DDX31: variants seen among roughly 807,000 people sequenced by gnomAD.
DDX31 encodes the protein DEAD-box helicase 31, also known as ATP-dependent DNA helicase DDX31.
A neutral mutation model predicts 91.3 loss-of-function variants in DDX31; 70 were observed. That is an observed-to-expected ratio of 0.77 (90% confidence interval 0.63 to 0.94). The LOEUF (loss-of-function observed/expected upper bound fraction) is 0.94, where lower values mean the gene tolerates loss of function less well. Among genes scored for constraint, DDX31 ranks in the 40% least tolerant of loss-of-function variants. The pLI, the probability that DDX31 is intolerant of heterozygous loss-of-function variation, is 0.00. For synonymous variants in DDX31, 362 were observed against 350.6 expected, an observed-to-expected ratio of 1.03 and a Z score of -0.36; for missense variants, 902 against 925.0, an observed-to-expected ratio of 0.98 and a Z score of 0.32.
chr9:132,657,590 A>G (rs1443728732), intron 6 of DDX31, among the ~76,000 whole-genome samples: 1 of 152,184 alleles, frequency 6.6e-6, no homozygotes, highest in African/African-American at 2.4e-5. Flanking sequence ...CAACACTATT[A>G]TTGTCACTCA....
intron 1 of DDX31, chr9:132,669,627 C>A: frequency 6.5e-7 from 1 of 1,529,092 alleles, no homozygotes; most frequent in Non-Finnish European, 8.7e-7. Flanking sequence ...CAGGAGCCAG[C>A]TCCCCGCCCC....
Position 132,650,885 on chromosome 9 carries a change from T to G in DDX31, c.675+190A>C, listed in dbSNP as rs1834140183. 2.0e-5 allele frequency among the ~76,000 whole-genome samples: 3 copies of G among 152,238 alleles called. No homozygotes were observed. The South Asian group carries it at 6.2e-4, about 31-fold the overall frequency. ...GACTTTATGCACCAGGAGTCACTGA[T>G]AATTCAGCTAAGCTAGAAATTGGTA... On this transcript the variant is annotated intron_variant, in intron 8 of 19. Coordinates refer to ENST00000372159, the MANE Select transcript of DDX31 (RefSeq NM_022779.9).
At position 132,606,038 on chromosome 9, in the gene DDX31, A is replaced by G. The variant is rs1830996891; in HGVS notation, c.1994+6049T>C. Among the ~76,000 whole-genome samples the G allele has an allele frequency of 2.6e-5, 4 of 152,172 alleles. No individual in the cohort carries two copies. In the South Asian group the frequency reaches 8.3e-4, roughly 32 times the overall value. On this transcript the variant is annotated intron_variant, in intron 19 of 19. Coordinates refer to ENST00000372159, the MANE Select transcript of DDX31 (RefSeq NM_022779.9). ...TTTGGGAAGCGGAGGGAAGAGACAG[A>G]TTTAAGGAGGCCGGAGGGATCAACA...
chr9:132,593,829 C>T lies in DDX31; in HGVS notation c.*1037G>A, dbSNP rs2119149753. The T allele has an allele frequency of 6.6e-6, 1 of 152,668 alleles. No homozygotes were observed. Among genetic ancestry groups the T allele is most frequent in the East Asian group, 1.9e-4 (1 of 5,190 alleles). 9.5% of individuals were successfully genotyped at this position (152,668 alleles called of 1,614,324 possible). A position where few individuals can be genotyped will look rare whatever the true frequency, so the allele number is the denominator to read the frequency against. ...GAGACCACAGAGGGCGGCACAGTCA[C>T]TGCAGAGGAGAAGGAAACTGAGAAG... On this transcript the variant is annotated 3_prime_UTR_variant, in exon 20 of 20. Coordinates refer to ENST00000372159, the MANE Select transcript of DDX31 (RefSeq NM_022779.9).
intron 5 of DDX31, among the ~76,000 whole-genome samples, chr9:132,659,278 A>C (rs1478116815): frequency 6.6e-6 from 1 of 152,214 alleles, no homozygotes; most frequent in Non-Finnish European, 1.5e-5. Flanking sequence ...ATGAGGGTCA[A>C]AAAAGCAAGT....
At chr9:132,659,588 C>A in intron 5 of DDX31, 122 bp downstream of exon 5, 2 of 847,178 alleles carry the variant, frequency 2.4e-6, no homozygotes, top group Non-Finnish European at 3.7e-6. Context: ...AAAAGCATGG[C>A]CTCCCTCCCC....
At chr9:132,637,838 T>C in intron 14 of DDX31, 1 of 986,124 alleles carries the variant, frequency 1.0e-6, no homozygotes, top group Non-Finnish European at 1.2e-6. Flanking sequence ...AGATACACTT[T>C]ACCTAAAAAG....
In DDX31 at chr9:132,650,238, C is replaced by T. The variant is rs370693874; in HGVS notation, c.736G>A (p.Ala246Thr). 47 of 1,613,924 alleles carry T rather than the reference C, an allele frequency of 2.9e-5. No individual in the cohort carries two copies. The African/African-American group carries it at 6.0e-4, about 21-fold the overall frequency. The change falls in exon 9 of 20, where the codon GCC becomes ACC. Residue 246 changes from alanine (A) to threonine (T), a missense_variant. Physicochemically the swap from Ala to Thr is moderately conservative, Grantham distance 58. Coordinates refer to ENST00000372159, the MANE Select transcript of DDX31 (RefSeq NM_022779.9). ...AACCAACAAACCTCTTCCTACCTGG[C>T]CTTTTCTGATTTTCTCTTCTCTCCT... The part of the protein sequence containing the change: ...MGGEKRKSEK[A>T]RLRKGINILI...
intron 18 of DDX31, 24 bp downstream of exon 18, chr9:132,618,306 C>A (rs773369566): frequency 1.3e-6 from 2 of 1,597,972 alleles, no homozygotes; most frequent in South Asian, 2.3e-5. Flanking sequence ...ATCCACTGCG[C>A]AAGCACCTAG....
intron 14 of DDX31, chr9:132,638,339 C>T (rs1424715583): frequency 1.9e-6 from 3 of 1,614,080 alleles, no homozygotes; most frequent in Non-Finnish European, 8.5e-7. Flanking sequence ...AGGTTCCTTT[C>T]CTCTGGCTTA....
chr9:132,639,279 C>T (rs1414258764), intron 14 of DDX31, among the ~76,000 whole-genome samples: 1 of 152,074 alleles, frequency 6.6e-6, no homozygotes, highest in Admixed American at 6.5e-5. Context: ...CGACTGGGAA[C>T]CGGCCCTCCT....
Position 132,632,107 on chromosome 9 carries a change from G to T in DDX31, c.1441-16C>A, listed in dbSNP as rs781476125. The T allele has an allele frequency of 1.2e-6, 2 of 1,611,248 alleles. No individual in the cohort carries two copies. Among genetic ancestry groups the T allele is most frequent in the South Asian group, 1.1e-5 (1 of 90,616 alleles). On this transcript the variant is annotated splice_polypyrimidine_tract_variant and intron_variant, in intron 14 of 19. Coordinates refer to ENST00000372159, the MANE Select transcript of DDX31 (RefSeq NM_022779.9). Reference sequence around the variant, plus strand: ...CTGCAACATCCTTTAACAAAGAAAAGAATATGGTTTAACACTGAGTTTCTG... The same window carrying T: ...CTGCAACATCCTTTAACAAAGAAAATAATATGGTTTAACACTGAGTTTCTG...
At chr9:132,661,445 C>A (rs1406971822) in intron 3 of DDX31, among the ~76,000 whole-genome samples, 194 bp from the exon 4 acceptor site, 1 of 152,168 alleles carries the variant, frequency 6.6e-6, no homozygotes, top group Non-Finnish European at 1.5e-5. Flanking sequence ...AGGGCAAAGT[C>A]TGGAAAAATT....
intron 14 of DDX31, among the ~76,000 whole-genome samples, chr9:132,636,842 T>G (rs1332594428): frequency 6.6e-6 from 1 of 152,196 alleles, no homozygotes; most frequent in East Asian, 1.9e-4. Flanking sequence ...AGAACTGGAC[T>G]GCTTGCTCCA....
At chr9:132,641,707 T>G (rs76220885) in intron 14 of DDX31, among the ~76,000 whole-genome samples, 1 of 152,252 alleles carries the variant, frequency 6.6e-6, no homozygotes, top group African/African-American at 2.4e-5. Context: ...TTACTCCCGA[T>G]AGCTGTAATT....
chr9:132,660,872 A>G (rs1461438310), intron 4 of DDX31, among the ~76,000 whole-genome samples: 1 of 152,146 alleles, frequency 6.6e-6, no homozygotes, highest in African/African-American at 2.4e-5. Flanking sequence ...GTTGACCCTA[A>G]TTCTTACTAC....
intron 15 of DDX31, among the ~76,000 whole-genome samples, chr9:132,631,316 A>G (rs535157431): frequency 1.3e-5 from 2 of 152,318 alleles, no homozygotes; most frequent in African/African-American, 4.8e-5. Flanking sequence ...CCTCCCATAC[A>G]TTAAAATTGT....
At chr9:132,618,636 T>G (rs867393769) in intron 17 of DDX31, among the ~76,000 whole-genome samples, 195 bp from the exon 18 acceptor site, 2 of 152,182 alleles carry the variant, frequency 1.3e-5, no homozygotes, top group Admixed American at 1.3e-4. Context: ...GGTGGCTTTA[T>G]GAGAGAGAAC....
At chr9:132,632,276 A>ACACACACACACACC in intron 14 of DDX31, among the ~76,000 whole-genome samples, 185 bp from the exon 15 acceptor site, 1 of 148,150 alleles carries the variant, frequency 6.7e-6, no homozygotes, top group Non-Finnish European at 1.5e-5. Context: ...ACACACACAC[A>ACACACACACACACC]CACACACACA....
Sources: gnomAD v4.1 joint callset for allele counts (sites outside exome capture counted in the v4.1 genomes callset) on GRCh38, gnomAD v4.1.1 for gene constraint, MANE v1.5 for transcripts, NCBI Gene and HGNC (gene_info 2026-07-23, HGNC 2026-07-21) for gene names.